Variants in PCDHGC5 observed in about 807,000 individuals in gnomAD.
The protein encoded by PCDHGC5 is protocadherin gamma subfamily C, 5.
Under a neutral mutation model 59.0 loss-of-function variants are expected in PCDHGC5, and 25 were observed. That is an observed-to-expected ratio of 0.42 (90% CI 0.31 to 0.59). The LOEUF is 0.59. Ranked by LOEUF, PCDHGC5 falls within the 20% of genes least tolerant of loss-of-function variation. The pLI is 0.13. For missense variants in PCDHGC5, 1,067 were observed against 1,206.4 expected (o/e 0.88, Z 1.71); for synonymous variants, 434 against 505.5 (o/e 0.86, Z 1.90).
chr5:141,504,956 G>A (rs1327603937), intron 2 of PCDHGC5, among the ~76,000 whole-genome samples: 1 of 152,096 alleles, frequency 6.6e-6, no homozygotes, highest in Non-Finnish European at 1.5e-5. Context: ...TATGTTCAAT[G>A]CATTGGACCA....
intron 2 of PCDHGC5, among the ~76,000 whole-genome samples, chr5:141,503,598 C>CA (rs765754054): frequency 0.15 from 9,705 of 65,252 alleles, 922 homozygotes; most frequent in African/African-American, 0.34. Context: ...GACTCCAGCT[C>CA]AAAAAAAAAA....
intron 1 of PCDHGC5, among the ~76,000 whole-genome samples, chr5:141,492,922 T>C (rs1191111432): frequency 1.3e-5 from 2 of 152,194 alleles, no homozygotes; most frequent in Non-Finnish European, 2.9e-5. Context: ...TGCCCAGCGA[T>C]CTAGGGTCAG....
chr5:141,505,405 C>T lies in PCDHGC5; in HGVS notation c.2532C>T (p.Gly844=), dbSNP rs745516568. 2.5e-6 allele frequency: 4 copies of T among 1,614,130 alleles called. No individual in the cohort carries two copies. The highest frequency in any genetic ancestry group is 3.3e-4 in the Middle Eastern group (2 of 6,062). ...QRPGTSGSQN[G]DDTGTWPNNQ... ...ACTCTCTCCCCAGCTCCCAAAATGG[C>T]GATGACACCGGCACCTGGCCCAACA... Residue 844 remains glycine (G), a synonymous_variant, in exon 3 of 4, where the codon GGC becomes GGT. Transcript: ENST00000252087.
intron 3 of PCDHGC5, among the ~76,000 whole-genome samples, chr5:141,508,772 C>T (rs1015277795): frequency 5.3e-5 from 8 of 152,070 alleles, no homozygotes; most frequent in African/African-American, 1.2e-4. Flanking sequence ...TGAGGTCCCC[C>T]CTCTAGCCCC....
intron 2 of PCDHGC5, among the ~76,000 whole-genome samples, chr5:141,496,639 C>A (rs752903356): frequency 6.6e-6 from 1 of 152,222 alleles, no homozygotes; most frequent in Non-Finnish European, 1.5e-5. Flanking sequence ...TTGGGCTGCC[C>A]TTGCCCTTCC....
chr5:141,511,304 CTTGGGAAA>C lies in PCDHGC5; in HGVS notation c.*132_*139del. ...TGGTAGGGGCCAAGGCCATGCTCCC[CTTGGGAAA>C]CAGAAACAAGTGCCCAGTCAGCACC... is the stretch of plus-strand genomic sequence containing the variant. On this transcript the variant is annotated 3_prime_UTR_variant, in exon 4 of 4. Transcript: ENST00000252087. The C allele has an allele frequency of 2.0e-6, 3 of 1,490,438 alleles. No individual in the cohort carries two copies. The South Asian group carries it at 4.0e-5, about 20-fold the overall frequency. 92.3% of individuals were successfully genotyped at this position (1,490,438 alleles called of 1,614,324 possible). A position where few individuals can be genotyped will look rare whatever the true frequency, so the allele number is the denominator to read the frequency against.
intron 2 of PCDHGC5, among the ~76,000 whole-genome samples, chr5:141,501,890 A>G (rs1046816316): frequency 6.6e-6 from 1 of 151,980 alleles, no homozygotes; most frequent in Non-Finnish European, 1.5e-5. Flanking sequence ...CCTGATCATC[A>G]TGGTTCCAAC....
At position 141,511,216 on chromosome 5, in the gene PCDHGC5, C is replaced by G. The variant is rs374915167; in HGVS notation, c.*43C>G. Reference sequence around the variant, plus strand: ...GAGCCACAGGGCGGCCTCTCCCCAACCAGCCCAGCTTCTCCTTACCTGCAC... The same window carrying G: ...GAGCCACAGGGCGGCCTCTCCCCAAGCAGCCCAGCTTCTCCTTACCTGCAC... On this transcript the variant is annotated 3_prime_UTR_variant, in exon 4 of 4. Coordinates refer to ENST00000252087, the MANE Select transcript of PCDHGC5 (RefSeq NM_018929.3). 4.2e-5 allele frequency: 68 copies of G among 1,608,004 alleles called. No individual in the cohort carries two copies. The highest frequency in any genetic ancestry group is 6.7e-5 in the East Asian group (3 of 44,538).
intron 2 of PCDHGC5, among the ~76,000 whole-genome samples, chr5:141,504,786 C>A (rs568185327): frequency 6.6e-6 from 1 of 152,014 alleles, no homozygotes; most frequent in South Asian, 2.1e-4. Context: ...TCTCTTGGGG[C>A]CTCCTACATC....
Position 141,491,458 on chromosome 5 carries a change from G to C in PCDHGC5, c.2218G>C (p.Asp740His). 1 of 1,614,092 alleles carries C rather than the reference G, an allele frequency of 6.2e-7. No individual in the cohort carries two copies. The highest frequency in any genetic ancestry group is 8.5e-7 in the Non-Finnish European group (1 of 1,180,022). The change falls in exon 1 of 4, where the codon GAC (aspartate) becomes CAC (histidine). Residue 740 changes from aspartate to histidine, a missense_variant. Coordinates refer to ENST00000252087, the MANE Select transcript of PCDHGC5 (RefSeq NM_018929.3). The surrounding 1 kb of genome is among the most constrained non-coding windows in gnomAD (Gnocchi z 6.9). Reference sequence around the variant, plus strand: ...CAGGCGCCAGGACTCACCCTCCCCGGACTTCTATAAGCAGTCCAGCCCCAA... The same window carrying C: ...CAGGCGCCAGGACTCACCCTCCCCGCACTTCTATAAGCAGTCCAGCCCCAA... Reference protein sequence around the residue: ...CCRRQDSPSPDFYKQSSPNLQ... With the variant: ...CCRRQDSPSPHFYKQSSPNLQ...
At chr5:141,510,028 C>A (rs962629835) in intron 3 of PCDHGC5, among the ~76,000 whole-genome samples, 1 of 152,164 alleles carries the variant, frequency 6.6e-6, no homozygotes, top group Non-Finnish European at 1.5e-5. Context: ...GCTGGCTGGG[C>A]TGTTATGTAG....
At position 141,490,356 on chromosome 5, in the gene PCDHGC5, T is replaced by C. The variant is rs771968534; in HGVS notation, c.1116T>C (p.Phe372=). ...CAGTGGGCACAGTAGTGGGGTTGTT[T>C]AATGTGCGAGACCGGGACTCAGGTA... ...STPVGTVVGL[F]NVRDRDSGRN... Residue 372 remains phenylalanine, a synonymous_variant, in exon 1 of 4, where the codon TTT becomes TTC. Coordinates refer to ENST00000252087, the MANE Select transcript of PCDHGC5 (RefSeq NM_018929.3). The surrounding 1 kb of genome is among the most constrained non-coding windows in gnomAD (Gnocchi z 5.4). 1.4e-5 allele frequency: 23 copies of C among 1,614,084 alleles called. No individual in the cohort carries two copies. Among genetic ancestry groups the C allele is most frequent in the Non-Finnish European group, 1.9e-5 (22 of 1,180,038 alleles).
rs765756193 is a variant in PCDHGC5, at chr5:141,511,105, C to T, written c.2767C>T (p.Arg923Trp). The T allele has an allele frequency of 2.8e-5, 46 of 1,614,196 alleles. No individual in the cohort carries two copies. In the East Asian group the frequency reaches 3.1e-4, roughly 11 times the overall value. Residue 923 changes from arginine to tryptophan, a missense_variant, in exon 4 of 4, where the codon CGG becomes TGG. Transcript: ENST00000252087. ...CACACTGACCAACGCAGCTGGCAAG[C>T]GGGATGGCAAGGCCCCAGCAGGTGG... ...NATLTNAAGK[R>W]DGKAPAGGNG...
At chr5:141,503,116 A>G (rs1303445673) in intron 2 of PCDHGC5, among the ~76,000 whole-genome samples, 11 of 151,656 alleles carry the variant, frequency 7.3e-5, no homozygotes, top group Admixed American at 4.6e-4. Flanking sequence ...GCCTCTCTTC[A>G]TACCCTCTGG....
chr5:141,492,460 G>T (rs2099740851), intron 1 of PCDHGC5, among the ~76,000 whole-genome samples: 1 of 152,218 alleles, frequency 6.6e-6, no homozygotes, highest in African/African-American at 2.4e-5. Flanking sequence ...GCGCGCCTGA[G>T]GGTCCCAGAT....
rs781026604 is a variant in PCDHGC5, at chr5:141,490,471, C to A, written c.1231C>A (p.Pro411Thr). The A allele has an allele frequency of 6.2e-7, 1 of 1,614,214 alleles. No individual in the cohort carries two copies. The highest frequency in any genetic ancestry group is 1.1e-5 in the South Asian group (1 of 91,088). Residue 411 changes from proline (P) to threonine (T), a missense_variant, in exon 1 of 4, where the codon CCT becomes ACT. Transcript: ENST00000252087. This position sits in a 1 kb window ranked among gnomAD's most constrained non-coding sequence, Gnocchi z 5.4. ...CCACTACTCGCTGCTAACCAGCCAGCCTTTGGACCGGGAGGCCACATCCCA... is the reference window on the plus strand; with the variant it reads ...CCACTACTCGCTGCTAACCAGCCAGACTTTGGACCGGGAGGCCACATCCCA... ...ENHYSLLTSQ[P>T]LDREATSHYI...
At chr5:141,509,040 C>G (rs1217864661) in intron 3 of PCDHGC5, among the ~76,000 whole-genome samples, 1 of 152,132 alleles carries the variant, frequency 6.6e-6, no homozygotes, top group Non-Finnish European at 1.5e-5. Context: ...CAACCCCTCT[C>G]CCCCGCCCCC....
Position 141,489,569 on chromosome 5 carries a change from C to T in PCDHGC5, c.329C>T (p.Thr110Ile). The change falls in exon 1 of 4, where the codon ACT (threonine) becomes ATT (isoleucine). Residue 110 changes from threonine to isoleucine, a missense_variant. Physicochemically the swap from Thr to Ile is moderately conservative, Grantham distance 89. Coordinates refer to ENST00000252087, the MANE Select transcript of PCDHGC5 (RefSeq NM_018929.3). This position sits in a 1 kb window ranked among gnomAD's most constrained non-coding sequence, Gnocchi z 4.5. ...TSCLLPVQVV[T>I]EHPLELIRVE... ...TGCCTGCTGCCAGTGCAGGTGGTGACTGAACACCCCCTGGAGCTAATCCGT... is the reference window on the plus strand; with the variant it reads ...TGCCTGCTGCCAGTGCAGGTGGTGATTGAACACCCCCTGGAGCTAATCCGT... 6.2e-7 allele frequency: 1 copy of T among 1,614,024 alleles called. No homozygotes were observed. The highest frequency in any genetic ancestry group is 2.2e-5 in the East Asian group (1 of 44,870).
chr5:141,509,839 T>C (rs1277859334), intron 3 of PCDHGC5, among the ~76,000 whole-genome samples: 4 of 152,162 alleles, frequency 2.6e-5, no homozygotes, highest in Non-Finnish European at 5.9e-5. Context: ...CTACCTCCCA[T>C]TCACTCAGAA....
Sources: allele counts gnomAD v4.1 joint callset (sites outside exome capture counted in the v4.1 genomes callset), GRCh38; gene constraint gnomAD v4.1.1; non-coding constraint Gnocchi (gnomAD v3.1); transcripts MANE v1.5; gene names NCBI Gene and HGNC (gene_info 2026-07-23, HGNC 2026-07-21).